WWOX: variants seen among roughly 807,000 people sequenced by gnomAD.
WWOX encodes WW domain-containing oxidoreductase.
Under a neutral mutation model 46.2 loss-of-function variants are expected in WWOX, and 69 were observed. The observed-to-expected ratio is 1.49, with a 90% CI of 1.23 to 1.82. The LOEUF is 1.82. WWOX is among the 40% of genes most tolerant of loss of function. The probability of loss-of-function intolerance (pLI) is 0.00; values close to 1 mark genes in which losing one functional copy is unlikely to be tolerated. For synonymous variants in WWOX, 359 were observed against 202.6 expected, an observed-to-expected ratio of 1.77 and a Z score of -6.56; for missense variants, 919 against 542.6, an observed-to-expected ratio of 1.69 and a Z score of -6.89.
intron 8 of WWOX, among the ~76,000 whole-genome samples, chr16:78,717,662 G>C (rs2048595574): frequency 6.6e-6 from 1 of 152,102 alleles, no homozygotes. Context: ...ATGAAAGAGG[G>C]GTTTTCCAAG....
chr16:78,427,863 T>A (rs1314926573), intron 7 of WWOX, among the ~76,000 whole-genome samples: 1 of 151,252 alleles, frequency 6.6e-6, no homozygotes, highest in Admixed American at 6.6e-5. Flanking sequence ...CACTCAAGAG[T>A]TCGAGATCAG....
intron 8 of WWOX, chr16:79,101,845 C>T (rs916498954): frequency 4.0e-5 from 6 of 150,760 alleles, no homozygotes; most frequent in Admixed American, 6.6e-5. Flanking sequence ...TGTTTTATGG[C>T]TGTGGTTTTC....
chr16:79,174,454 G>C (rs1490481284), intron 8 of WWOX, among the ~76,000 whole-genome samples: 1 of 152,136 alleles, frequency 6.6e-6, no homozygotes. Context: ...TTTGAGATTA[G>C]CTTGACCAAC....
intron 8 of WWOX, among the ~76,000 whole-genome samples, chr16:78,915,112 G>T (rs1357505378): frequency 6.6e-6 from 1 of 152,118 alleles, no homozygotes; most frequent in African/African-American, 2.4e-5. Flanking sequence ...TGGAGATCAA[G>T]TGGCAGCTTG....
intron 8 of WWOX, among the ~76,000 whole-genome samples, chr16:78,820,214 GC>G (rs2051455321): frequency 6.6e-6 from 1 of 152,122 alleles, no homozygotes; most frequent in African/African-American, 2.4e-5. Context: ...TTGTAAGAAA[GC>G]AAGAACAGTC....
intron 5 of WWOX, among the ~76,000 whole-genome samples, chr16:78,261,077 A>G (rs2079220546): frequency 6.6e-6 from 1 of 151,260 alleles, no homozygotes; most frequent in East Asian, 1.9e-4. Flanking sequence ...AATTATTGAT[A>G]TTCGAAGTTT....
intron 8 of WWOX, among the ~76,000 whole-genome samples, chr16:78,630,080 A>C (rs926160433): frequency 6.6e-6 from 1 of 152,106 alleles, no homozygotes; most frequent in East Asian, 1.9e-4. Context: ...ATTTTAGTCT[A>C]TTTCATTGAA....
intron 8 of WWOX, among the ~76,000 whole-genome samples, chr16:78,852,007 C>A (rs531737349): frequency 9.2e-5 from 14 of 152,302 alleles, no homozygotes; most frequent in African/African-American, 3.1e-4. Flanking sequence ...TTTTGGGATC[C>A]TTGTATAATA....
chr16:78,631,100 A>T (rs908585289), intron 8 of WWOX, among the ~76,000 whole-genome samples: 2 of 152,198 alleles, frequency 1.3e-5, no homozygotes, highest in Non-Finnish European at 2.9e-5. Context: ...CATCACATAC[A>T]TTATATGCAA....
intron 8 of WWOX, among the ~76,000 whole-genome samples, chr16:79,069,339 C>T (rs140431453): frequency 6.6e-6 from 1 of 152,192 alleles, no homozygotes; most frequent in Non-Finnish European, 1.5e-5. Context: ...CATGAGCTTC[C>T]AGCAAAAGAG....
At chr16:78,893,538 C>T (rs544084239) in intron 8 of WWOX, among the ~76,000 whole-genome samples, 11 of 152,290 alleles carry the variant, frequency 7.2e-5, no homozygotes, top group African/African-American at 2.4e-4. Context: ...CTCCTCCACC[C>T]ACTCCTCTCT....
intron 8 of WWOX, among the ~76,000 whole-genome samples, chr16:78,872,534 A>G (rs144569453): frequency 6.6e-6 from 1 of 152,186 alleles, no homozygotes; most frequent in East Asian, 1.9e-4. Context: ...CAAGTGCATT[A>G]ATCACTCTAA....
intron 8 of WWOX, among the ~76,000 whole-genome samples, chr16:78,602,893 C>T (rs1005472245): frequency 6.6e-6 from 1 of 152,128 alleles, no homozygotes; most frequent in Non-Finnish European, 1.5e-5. Flanking sequence ...AGACTTGAAT[C>T]TCCGCTCTGT....
intron 5 of WWOX, among the ~76,000 whole-genome samples, chr16:78,303,008 A>G (rs1362407684): frequency 1.3e-5 from 2 of 152,156 alleles, no homozygotes; most frequent in African/African-American, 4.8e-5. Context: ...AGAACTCTCC[A>G]TATGGATTTT....
intron 8 of WWOX, among the ~76,000 whole-genome samples, chr16:78,609,261 C>G (rs1168634438): frequency 6.6e-6 from 1 of 152,068 alleles, no homozygotes; most frequent in Non-Finnish European, 1.5e-5. Flanking sequence ...GTAAAACTGC[C>G]AAGTTATTTT....
At chr16:78,888,342 C>T (rs746139269) in intron 8 of WWOX, among the ~76,000 whole-genome samples, 1 of 152,192 alleles carries the variant, frequency 6.6e-6, no homozygotes, top group South Asian at 2.1e-4. Flanking sequence ...CTTCTCAGAA[C>T]TGAAATCCCA....
At chr16:79,200,583 G>T (rs544608439) in intron 8 of WWOX, among the ~76,000 whole-genome samples, 2 of 152,214 alleles carry the variant, frequency 1.3e-5, no homozygotes, top group South Asian at 4.2e-4. Flanking sequence ...ATAACAGGTC[G>T]TTGGCACCTA....
intron 8 of WWOX, among the ~76,000 whole-genome samples, chr16:78,918,734 A>C (rs1597149800): frequency 6.6e-6 from 1 of 152,172 alleles, no homozygotes; most frequent in South Asian, 2.1e-4. Flanking sequence ...TTCTCTCACT[A>C]TACCCATTTC....
At chr16:78,868,076 A>G (rs903783509) in intron 8 of WWOX, among the ~76,000 whole-genome samples, 3 of 152,204 alleles carry the variant, frequency 2.0e-5, no homozygotes, top group African/African-American at 2.4e-5. Flanking sequence ...AGTCTTGTTC[A>G]TGAATGTTCA....
Sources: gnomAD v4.1 joint callset for allele counts (sites outside exome capture counted in the v4.1 genomes callset) on GRCh38, gnomAD v4.1.1 for gene constraint, MANE v1.5 for transcripts, NCBI Gene and HGNC (gene_info 2026-07-23, HGNC 2026-07-21) for gene names.